The following COX7A1 variants were observed in gnomAD, a reference collection of about 807,000 sequenced individuals.
COX7A1 encodes cytochrome c oxidase subunit 7A1.
COX7A1 carries 21 observed loss-of-function variants against 13.2 expected under a neutral mutation model. The ratio of observed to expected loss-of-function variants is 1.59; its 90% CI spans 1.13 to 2.29. The LOEUF is 2.29. Ranked by LOEUF, COX7A1 falls within the 30% of genes most tolerant of loss-of-function variation. COX7A1 has a pLI of 0.00. For missense variants in COX7A1, 107 were observed against 100.0 expected (o/e 1.07, Z -0.30); for synonymous variants, 41 against 41.9 (o/e 0.98, Z 0.08).
At chr19:36,151,417 G>C (rs888693089) in intron 3 of COX7A1, 45 bp downstream of exon 3, 2 of 1,606,634 alleles carry the variant, frequency 1.2e-6, no homozygotes, top group Non-Finnish European at 1.7e-6. Flanking sequence ...CTTACTCTGG[G>C]TCCAGCCCCG....
In COX7A1 at chr19:36,151,468, G is replaced by A. The variant is rs776409233; in HGVS notation, c.181C>T (p.Leu61=). Residue 61 remains leucine (L), a synonymous_variant, in exon 3 of 4, where the codon CTG becomes TTG. Transcript: ENST00000292907. ...ILYRVTMTLC[L]GGTVYSLYSL... ...AGACGGGCCCTGCGCTCACCGCCCAGACACAGCGTCATTGTCACTCGGTAC... is the reference window on the plus strand; with the variant it reads ...AGACGGGCCCTGCGCTCACCGCCCAAACACAGCGTCATTGTCACTCGGTAC... 2 of 1,614,082 alleles carry A rather than the reference G, an allele frequency of 1.2e-6. No individual in the cohort carries two copies. Among genetic ancestry groups the A allele is most frequent in the Non-Finnish European group, 1.7e-6 (2 of 1,180,046 alleles).
Position 36,150,953 on chromosome 19 carries a change from G to A in COX7A1, c.*29C>T, listed in dbSNP as rs1974757964. On this transcript the variant is annotated 3_prime_UTR_variant, in exon 4 of 4. Coordinates refer to ENST00000292907, the MANE Select transcript of COX7A1 (RefSeq NM_001864.4). The stretch of plus-strand genomic sequence containing the variant: ...CCAGCGTTTATTGACACTTGTTCAA[G>A]TCTCTCAGGCCCCCCAGGCTTCTTG... The A allele has an allele frequency of 1.9e-6, 3 of 1,610,092 alleles. No individual in the cohort carries two copies. Among genetic ancestry groups the A allele is most frequent in the Non-Finnish European group, 2.6e-6 (3 of 1,176,334 alleles).
intron 3 of COX7A1, among the ~76,000 whole-genome samples, 170 bp from the exon 4 acceptor site, chr19:36,151,204 C>G (rs998264279): frequency 6.6e-6 from 1 of 152,136 alleles, no homozygotes; most frequent in Non-Finnish European, 1.5e-5. Context: ...TGGCTTTGAT[C>G]TAGACCGGGC....
chr19:36,151,355 C>A, intron 3 of COX7A1, 107 bp downstream of exon 3: 3 of 1,260,068 alleles, frequency 2.4e-6, no homozygotes, highest in Admixed American at 4.0e-5. Flanking sequence ...CCTTCCTAAA[C>A]GCCAACCCCC....
Position 36,151,745 on chromosome 19 carries a change from G to A in COX7A1, c.26C>T (p.Ala9Val), listed in dbSNP as rs1422690711. 1 of 1,590,896 alleles carries A rather than the reference G, an allele frequency of 6.3e-7. No individual in the cohort carries two copies. The highest frequency in any genetic ancestry group is 1.3e-5 in the African/African-American group (1 of 74,264). The change falls in exon 2 of 4, where the codon GCG (alanine) becomes GTG (valine). Residue 9 changes from alanine to valine, a missense_variant. By Grantham distance (64) the Ala-to-Val change is moderately conservative. Transcript: ENST00000292907. MQALRVSQ[A>V]LIRSFSSTAR... ...GGTGGAGCTGAAGGAGCGGATCAGCGCCTGGGACACCTGCGGGGTGGGAGG... is the reference window on the plus strand; with the variant it reads ...GGTGGAGCTGAAGGAGCGGATCAGCACCTGGGACACCTGCGGGGTGGGAGG...
rs201471888 is a variant in COX7A1, at chr19:36,151,432, C to A, written c.187+30G>T. ...CTTACTCTGGGTCCAGCCCCGCCTC[C>A]CCCGCAGCCCAGACGGGCCCTGCGC... On this transcript the variant is annotated intron_variant, in intron 3 of 3. Coordinates refer to ENST00000292907, the MANE Select transcript of COX7A1 (RefSeq NM_001864.4). The A allele has an allele frequency of 2.7e-4, 435 of 1,612,758 alleles. 2 individuals are homozygous for A. The African/African-American group carries it at 5.1e-3, about 19-fold the overall frequency.
chr19:36,151,275 C>A (rs1974763306), intron 3 of COX7A1, among the ~76,000 whole-genome samples, 187 bp downstream of exon 3: 1 of 152,114 alleles, frequency 6.6e-6, no homozygotes, highest in African/African-American at 2.4e-5. Context: ...CAGCCCCCGT[C>A]CTGGGACAAG....
intron 1 of COX7A1, 84 bp from the exon 2 acceptor site, chr19:36,151,839 G>T: frequency 8.3e-7 from 1 of 1,202,934 alleles, no homozygotes; most frequent in Non-Finnish European, 1.2e-6. Flanking sequence ...GCCTGGACGT[G>T]GGGACAGCCC....
intron 1 of COX7A1, 104 bp from the exon 2 acceptor site, chr19:36,151,859 C>G (rs1974778509): frequency 2.9e-6 from 3 of 1,038,492 alleles, no homozygotes; most frequent in Admixed American, 2.0e-5. Flanking sequence ...CCATCCCTAG[C>G]GAGCGTCCCA....
chr19:36,151,645 T>TTG, intron 2 of COX7A1, 24 bp downstream of exon 2: 1 of 1,387,614 alleles, frequency 7.2e-7, no homozygotes, highest in Non-Finnish European at 9.9e-7. Flanking sequence ...GCGCGTCGGA[T>TTG]CCCCACCCCC....
chr19:36,151,431 C>A, intron 3 of COX7A1, 31 bp downstream of exon 3: 1 of 1,611,892 alleles, frequency 6.2e-7, no homozygotes, highest in South Asian at 1.1e-5. Flanking sequence ...AGCCCCGCCT[C>A]CCCCGCAGCC....
At position 36,151,791 on chromosome 19, in the gene COX7A1, C is replaced by G; in HGVS notation, c.16-36G>C. 1.9e-6 allele frequency: 3 copies of G among 1,547,860 alleles called. No individual in the cohort carries two copies. In the South Asian group the frequency reaches 3.5e-5, roughly 18 times the overall value. On this transcript the variant is annotated intron_variant, in intron 1 of 3. Transcript: ENST00000292907. ...GGAGGTGGGCGGGTATTGGAGGCACCTGGAGGGGTGTCCTGAAGTGGGACC... is the reference window on the plus strand; with the variant it reads ...GGAGGTGGGCGGGTATTGGAGGCACGTGGAGGGGTGTCCTGAAGTGGGACC...
Position 36,152,387 on chromosome 19 carries a change from C to T in COX7A1, c.15+6G>A. 1 of 1,358,318 alleles carries T rather than the reference C, an allele frequency of 7.4e-7. No individual in the cohort carries two copies. 84.1% of individuals were successfully genotyped at this position (1,358,318 alleles called of 1,614,324 possible). Reference sequence around the variant, plus strand: ...GGGGCTCCGGCCCAGCCCATGGGGGCCTCACCCGAAGGGCCTGCATTCTGC... The same window carrying T: ...GGGGCTCCGGCCCAGCCCATGGGGGTCTCACCCGAAGGGCCTGCATTCTGC... On this transcript the variant is annotated splice_donor_region_variant and intron_variant, in intron 1 of 3. Transcript: ENST00000292907.
In COX7A1 at chr19:36,151,748, T is replaced by C; in HGVS notation, c.23A>G (p.Gln8Arg). Reference protein sequence around the residue: MQALRVSQALIRSFSSTA... With the variant: MQALRVSRALIRSFSSTA... The stretch of plus-strand genomic sequence containing the variant: ...GGAGCTGAAGGAGCGGATCAGCGCC[T>C]GGGACACCTGCGGGGTGGGAGGTGG... Residue 8 changes from glutamine (Q) to arginine (R), a missense_variant, in exon 2 of 4, where the codon CAG becomes CGG. Physicochemically the swap from Gln to Arg is conservative, Grantham distance 43. Transcript: ENST00000292907. 1 of 1,535,990 alleles carries C rather than the reference T, an allele frequency of 6.5e-7. No homozygotes were observed. Among genetic ancestry groups the C allele is most frequent in the Non-Finnish European group, 8.8e-7 (1 of 1,133,638 alleles).
At chr19:36,151,645 T>TCCCCCCCCCCCCCCCCC in intron 2 of COX7A1, 24 bp downstream of exon 2, 90 of 1,387,490 alleles carry the variant, frequency 6.5e-5, no homozygotes, top group Non-Finnish European at 8.1e-5. Flanking sequence ...GCGCGTCGGA[T>TCCCCCCCCCCCCCCCCC]CCCCACCCCC....
chr19:36,151,975 A>G (rs1974780936), intron 1 of COX7A1: 3 of 674,658 alleles, frequency 4.4e-6, no homozygotes, highest in Non-Finnish European at 8.2e-6. Context: ...GGCTGCCTAG[A>G]GGGTCCTGGA....
rs1258812050 is a variant in COX7A1, at chr19:36,151,016, T to C, written c.206A>G (p.Tyr69Cys). The C allele has an allele frequency of 6.2e-7, 1 of 1,613,818 alleles. No individual in the cohort carries two copies. The highest frequency in any genetic ancestry group is 1.3e-5 in the African/African-American group (1 of 74,956). The change falls in exon 4 of 4, where the codon TAC becomes TGC. Residue 69 changes from tyrosine to cysteine, a missense_variant. Physicochemically the swap from Tyr to Cys is radical, Grantham distance 194. Transcript: ENST00000292907. ...LCLGGTVYSL[Y>C]SLGWASFPRN ...GGGGAAGGAGGCCCAGCCAAGGGAG[T>C]ACAAGCTGTAGACAGTGCCTAGAAA...
intron 2 of COX7A1, 24 bp downstream of exon 2, chr19:36,151,645 T>TCCCCCCCGGC: frequency 7.2e-7 from 1 of 1,387,632 alleles, no homozygotes; most frequent in Non-Finnish European, 9.9e-7. Flanking sequence ...GCGCGTCGGA[T>TCCCCCCCGGC]CCCCACCCCC....
rs764976179 is a variant in COX7A1, at chr19:36,151,517, C to A, written c.132G>T (p.Lys44Asn). 5 of 1,614,202 alleles carry A rather than the reference C, an allele frequency of 3.1e-6. No homozygotes were observed. In the Admixed American group the frequency reaches 8.3e-5, roughly 27 times the overall value. The change falls in exon 3 of 4, where the codon AAG becomes AAT. Residue 44 changes from lysine (K) to asparagine (N), a missense_variant. Lys to Asn is a moderately conservative substitution (Grantham distance 94, BLOSUM62 0). Coordinates refer to ENST00000292907, the MANE Select transcript of COX7A1 (RefSeq NM_001864.4). The stretch of plus-strand genomic sequence containing the variant: ...ACAGGATGTTGTCAACGATGCCGCC[C>A]TTCAGGTACAACGGGATGTCATTGT... ...QEDNDIPLYLKGGIVDNILYR... is the reference protein window; with the variant it reads ...QEDNDIPLYLNGGIVDNILYR...
Sources: allele counts gnomAD v4.1 joint callset (sites outside exome capture counted in the v4.1 genomes callset), GRCh38; gene constraint gnomAD v4.1.1; transcripts MANE v1.5; gene names NCBI Gene and HGNC (gene_info 2026-07-23, HGNC 2026-07-21).